Variants in MYOCD observed in about 807,000 individuals in gnomAD.
MYOCD encodes the protein myocardin.
In MYOCD, 32 loss-of-function variants were observed where a neutral mutation model predicts 96.1. The ratio of observed to expected loss-of-function variants is 0.33; its 90% confidence interval spans 0.25 to 0.45. MYOCD has a LOEUF of 0.45. MYOCD is among the 20% of genes least tolerant of loss of function. The pLI is 1.00. For synonymous variants in MYOCD, 469 were observed against 469.0 expected, an observed-to-expected ratio of 1.00 and a Z score of 0.00; for missense variants, 1,133 against 1,200.6, an observed-to-expected ratio of 0.94 and a Z score of 0.83.
chr17:12,695,081 T>TA (rs1158410319), intron 1 of MYOCD, among the ~76,000 whole-genome samples: 1 of 152,110 alleles, frequency 6.6e-6, no homozygotes, highest in East Asian at 1.9e-4. Context: ...AATGAAATAT[T>TA]AGCAAGAAGT....
chr17:12,753,495 A>G lies in MYOCD; in HGVS notation c.2058+149A>G, dbSNP rs996094597. ...ATCTCCCAGACACTACAATCCTTGA[A>G]TCCTCATGGTAGACCAAACTCACTC... On this transcript the variant is annotated intron_variant, in intron 10 of 13. Transcript: ENST00000425538. The G allele has an allele frequency of 4.9e-5, 37 of 750,020 alleles. No homozygotes were observed. The East Asian group carries it at 9.6e-4, about 19-fold the overall frequency. 46.5% of individuals were successfully genotyped at this position (750,020 alleles called of 1,614,324 possible).
At chr17:12,671,294 C>T (rs1446536420) in intron 1 of MYOCD, among the ~76,000 whole-genome samples, 1 of 152,064 alleles carries the variant, frequency 6.6e-6, no homozygotes, top group Admixed American at 6.6e-5. Context: ...TATTCAAAAA[C>T]ATCAAAAACA....
chr17:12,756,156 A>G (rs989946549), intron 10 of MYOCD, among the ~76,000 whole-genome samples: 1 of 152,168 alleles, frequency 6.6e-6, no homozygotes, highest in African/African-American at 2.4e-5. Context: ...AAATAGCACC[A>G]AAGTGTAGAG....
At position 12,766,345 on chromosome 17, in the gene MYOCD, C is replaced by A. The variant is rs1040160582; in HGVS notation, c.*2701C>A. On this transcript the variant is annotated 3_prime_UTR_variant, in exon 14 of 14. Transcript: ENST00000425538. ...GGATCTTTGAGGCTATGACCCAGGA[C>A]TGATAGATATGCCTTACGGAAGACA... 1.4e-4 allele frequency: 21 copies of A among 152,282 alleles called. No individual in the cohort carries two copies. Among genetic ancestry groups the A allele is most frequent in the African/African-American group, 4.8e-4 (20 of 41,550 alleles). 9.4% of individuals were successfully genotyped at this position (152,282 alleles called of 1,614,324 possible).
At chr17:12,728,805 T>C (rs1244985109) in intron 5 of MYOCD, among the ~76,000 whole-genome samples, 1 of 152,186 alleles carries the variant, frequency 6.6e-6, no homozygotes, top group African/African-American at 2.4e-5. Context: ...GAACCCGTGA[T>C]TTAGAATATA....
At chr17:12,753,964 A>T (rs779222985) in intron 10 of MYOCD, among the ~76,000 whole-genome samples, 1 of 152,090 alleles carries the variant, frequency 6.6e-6, no homozygotes, top group Admixed American at 6.5e-5. Flanking sequence ...TTCTATTCTC[A>T]TGGGAACAGA....
intron 1 of MYOCD, among the ~76,000 whole-genome samples, chr17:12,685,643 A>G (rs1306633218): frequency 2.0e-5 from 3 of 151,918 alleles, no homozygotes; most frequent in Non-Finnish European, 4.4e-5. Context: ...GGTCAAGAAT[A>G]CCCTTTAGCA....
intron 7 of MYOCD, among the ~76,000 whole-genome samples, chr17:12,740,525 C>T (rs1173540963): frequency 1.3e-5 from 2 of 152,156 alleles, no homozygotes; most frequent in Non-Finnish European, 2.9e-5. Flanking sequence ...GGCTGAGTAG[C>T]ATTCCATGTT....
chr17:12,721,170 G>A (rs993457584), intron 4 of MYOCD, among the ~76,000 whole-genome samples: 5 of 150,440 alleles, frequency 3.3e-5, no homozygotes, highest in Non-Finnish European at 7.4e-5. Context: ...CATATGAAAT[G>A]TTATTTCTTC....
rs2030186979 is a variant in MYOCD at position 12,687,482 on chromosome 17, T to G, written c.56-17646T>G. On this transcript the variant is annotated intron_variant, in intron 1 of 13. Transcript: ENST00000425538. ...GGAAGATGGCTTTGTGGGTGAGGGA[T>G]GTATGGCTGGTACAGTGACTCCTCA... Among the ~76,000 whole-genome samples the G allele has an allele frequency of 2.6e-5, 4 of 152,182 alleles. No homozygotes were observed. In the South Asian group the frequency reaches 8.3e-4, roughly 32 times the overall value.
At chr17:12,729,395 C>T (rs959551906) in intron 5 of MYOCD, among the ~76,000 whole-genome samples, 1 of 151,996 alleles carries the variant, frequency 6.6e-6, no homozygotes, top group Non-Finnish European at 1.5e-5. Flanking sequence ...TCTGCCTCTG[C>T]CGCCCTGTGA....
chr17:12,758,737 A>G (rs1468146988), intron 12 of MYOCD, among the ~76,000 whole-genome samples: 1 of 152,184 alleles, frequency 6.6e-6, no homozygotes, highest in East Asian at 1.9e-4. Flanking sequence ...GAAAGTCTCA[A>G]AATTAAAAAG....
chr17:12,676,723 A>G (rs550491643), intron 1 of MYOCD, among the ~76,000 whole-genome samples: 1 of 152,332 alleles, frequency 6.6e-6, no homozygotes, highest in Admixed American at 6.5e-5. Context: ...TTCTTAGCTA[A>G]GAGACTGAAA....
At chr17:12,688,728 CCT>C (rs570602971) in intron 1 of MYOCD, among the ~76,000 whole-genome samples, 13 of 150,278 alleles carry the variant, frequency 8.7e-5, no homozygotes, top group Non-Finnish European at 1.5e-4. Flanking sequence ...CCATCTCCTT[CCT>C]CTCTCTCCTT....
chr17:12,669,330 T>C (rs1367945291), intron 1 of MYOCD, among the ~76,000 whole-genome samples: 1 of 152,082 alleles, frequency 6.6e-6, no homozygotes, highest in East Asian at 1.9e-4. Context: ...TAAAGAATCA[T>C]TGTGTTTCTT....
rs1399805626 is a variant in MYOCD at position 12,765,213 on chromosome 17, C to T, written c.*1569C>T. ...ACAGTCTCTGTAAGGCTCTCTGTGG[C>T]TCCAGTTCACCATTTTATATTGTTG... On this transcript the variant is annotated 3_prime_UTR_variant, in exon 14 of 14. Coordinates refer to ENST00000425538, the MANE Select transcript of MYOCD (RefSeq NM_001146312.3). 1 of 151,852 alleles carries T rather than the reference C, an allele frequency of 6.6e-6. No individual in the cohort carries two copies. Among genetic ancestry groups the T allele is most frequent in the Non-Finnish European group, 1.5e-5 (1 of 68,000 alleles). The allele number at this position is 151,852 out of a possible 1,614,324, so 9.4% of individuals were successfully genotyped here.
At chr17:12,739,364 G>A (rs1407873608) in intron 7 of MYOCD, 36 bp downstream of exon 7, 14 of 1,502,728 alleles carry the variant, frequency 9.3e-6, no homozygotes, top group Admixed American at 2.4e-5. Flanking sequence ...CTGCCTGAGC[G>A]CTCGGCTCAC....
intron 5 of MYOCD, among the ~76,000 whole-genome samples, chr17:12,734,376 G>C (rs1319234267): frequency 6.6e-6 from 1 of 151,994 alleles, no homozygotes; most frequent in Non-Finnish European, 1.5e-5. Flanking sequence ...GCACTGGCCC[G>C]GGGCACGTGC....
chr17:12,689,270 G>A (rs1281730733), intron 1 of MYOCD, among the ~76,000 whole-genome samples: 1 of 152,142 alleles, frequency 6.6e-6, no homozygotes, highest in Non-Finnish European at 1.5e-5. Flanking sequence ...TGTTGCTGGT[G>A]TAGGTATAAT....
Sources: gnomAD v4.1 joint callset for allele counts (sites outside exome capture counted in the v4.1 genomes callset) on GRCh38, gnomAD v4.1.1 for gene constraint, MANE v1.5 for transcripts, NCBI Gene and HGNC (gene_info 2026-07-23, HGNC 2026-07-21) for gene names.